The following GPR179 variants were observed in gnomAD, a reference collection of about 807,000 sequenced individuals.
GPR179 encodes G protein-coupled receptor 179.
GPR179 carries 52 observed loss-of-function variants against 70.8 expected under a neutral mutation model. That is an observed-to-expected ratio of 0.73 (90% CI 0.59 to 0.93). GPR179 has a LOEUF of 0.93. Among genes scored for constraint, GPR179 ranks in the 40% least tolerant of loss-of-function variants. The pLI, the probability that GPR179 is intolerant of heterozygous loss-of-function variation, is 0.00. For missense variants in GPR179, 2,734 were observed against 2,966.8 expected (o/e 0.92, Z 1.82); for synonymous variants, 1,123 against 1,169.0 (o/e 0.96, Z 0.80).
Position 38,331,097 on chromosome 17 carries a change from C to A in GPR179, c.2472G>T (p.Thr824=). 1 of 1,601,852 alleles carries A rather than the reference C, an allele frequency of 6.2e-7. No individual in the cohort carries two copies. ...GGGCTCTGGGTAGCCTCTCTCCCAC[C>A]GTCAGGTTGTGGGCGCTGGCTGACC... ...GFRSASAHNL[T]VGERLPRARP... The change falls in exon 11 of 11, where the codon ACG becomes ACT. Residue 824 remains threonine, a synonymous_variant. Coordinates refer to ENST00000616987, the MANE Select transcript of GPR179 (RefSeq NM_001004334.4).
At chr17:38,336,863 T>G (rs781502171) in intron 4 of GPR179, 115 bp downstream of exon 4, 51 of 1,084,484 alleles carry the variant, frequency 4.7e-5, no homozygotes, top group Non-Finnish European at 5.5e-5. Context: ...CACAGTGAGT[T>G]AGATTTAGAA....
intron 5 of GPR179, among the ~76,000 whole-genome samples, 165 bp downstream of exon 5, chr17:38,335,911 C>A (rs761971035): frequency 1.4e-4 from 21 of 152,146 alleles, no homozygotes; most frequent in Non-Finnish European, 2.8e-4. Context: ...GCCTGAGGCT[C>A]CAGAGCTCAT....
rs1206847623 is a variant in GPR179 at position 38,328,819 on chromosome 17, C to T, written c.4750G>A (p.Glu1584Lys). 1 of 1,613,902 alleles carries T rather than the reference C, an allele frequency of 6.2e-7. No individual in the cohort carries two copies. Among genetic ancestry groups the T allele is most frequent in the Admixed American group, 1.7e-5 (1 of 59,998 alleles). Residue 1584 changes from glutamate (E) to lysine (K), a missense_variant, in exon 11 of 11, where the codon GAA (glutamate) becomes AAA (lysine). Glu to Lys is a moderately conservative substitution (Grantham distance 56, BLOSUM62 1). Transcript: ENST00000616987. The part of the protein sequence containing the change: ...PQEDLRPEAQ[E>K]ATPAKTEICP... ...ATTTCTGTTTTGGCAGGTGTTGCTT[C>T]CTGTGCCTCCGGCCTGAGATCTTCC...
In GPR179 at chr17:38,329,613, G is replaced by A. The variant is rs1907996551; in HGVS notation, c.3956C>T (p.Ala1319Val). Residue 1319 changes from alanine (A) to valine (V), a missense_variant, in exon 11 of 11, where the codon GCA becomes GTA. Physicochemically the swap from Ala to Val is moderately conservative, Grantham distance 64. Transcript: ENST00000616987. The part of the protein sequence containing the change: ...KPERLVREQE[A>V]VCPWESADRG... ...ATCGGCACTCTCCCAGGGACACACT[G>A]CTTCCTGCTCCCTCACCAGCCTCTC... 9.9e-6 allele frequency: 16 copies of A among 1,614,032 alleles called. No individual in the cohort carries two copies. Among genetic ancestry groups the A allele is most frequent in the Non-Finnish European group, 1.4e-5 (16 of 1,180,044 alleles).
At chr17:38,332,189 C>T (rs2037366114) in intron 10 of GPR179, among the ~76,000 whole-genome samples, 1 of 152,090 alleles carries the variant, frequency 6.6e-6, no homozygotes, top group African/African-American at 2.4e-5. Flanking sequence ...GGCAGAGGCA[C>T]TGGAACAAGG....
rs911370850 is a variant in GPR179, at chr17:38,337,621, A to C, written c.991+12T>G. 1.9e-6 allele frequency: 3 copies of C among 1,600,898 alleles called. No individual in the cohort carries two copies. The highest frequency in any genetic ancestry group is 2.6e-6 in the Non-Finnish European group (3 of 1,173,508). ...GTAAAACACATGCCTGGCCCCCACC[A>C]CACTTACATACCCCCAGAGGGGCTT... On this transcript the variant is annotated intron_variant, in intron 3 of 10. Coordinates refer to ENST00000616987, the MANE Select transcript of GPR179 (RefSeq NM_001004334.4).
chr17:38,337,662 G>GTCCTCATTC lies in GPR179; in HGVS notation c.961_962insGAATGAGGA (p.Pro321delinsArgMetArgThr). ...AGAGGGGCTTGCCCCGTAGAATCCA[G>GTCCTCATTC]GTCGGCAGCGGCAGAGGTAGCGGCC... On this transcript the variant is annotated protein_altering_variant, in exon 3 of 11. Coordinates refer to ENST00000616987, the MANE Select transcript of GPR179 (RefSeq NM_001004334.4). 1 of 1,598,636 alleles carries GTCCTCATTC rather than the reference G, an allele frequency of 6.3e-7. No individual in the cohort carries two copies. The highest frequency in any genetic ancestry group is 1.7e-5 in the Admixed American group (1 of 57,842).
chr17:38,342,471 C>T (rs2037457350), intron 1 of GPR179, among the ~76,000 whole-genome samples: 1 of 152,054 alleles, frequency 6.6e-6, no homozygotes, highest in African/African-American at 2.4e-5. Context: ...TCCTGAGTAG[C>T]TGGGTTTACA....
In GPR179 at chr17:38,329,022, T is replaced by C. The variant is rs1335961114; in HGVS notation, c.4547A>G (p.Glu1516Gly). 6.8e-6 allele frequency: 11 copies of C among 1,613,956 alleles called. No individual in the cohort carries two copies. Among genetic ancestry groups the C allele is most frequent in the Non-Finnish European group, 9.3e-6 (11 of 1,180,008 alleles). The stretch of plus-strand genomic sequence containing the variant: ...TGCTTTCACAGTTTGTTCCCCCATC[T>C]CTCCAAAGCTTCCTTTTCTGGAGGC... ...EKASRKGSFG[E>G]MGEQTVKAVQ... Residue 1516 changes from glutamate to glycine, a missense_variant, in exon 11 of 11, where the codon GAG becomes GGG. Transcript: ENST00000616987.
Position 38,327,856 on chromosome 17 carries a change from C to T in GPR179, c.5713G>A (p.Gly1905Arg). 2 of 1,614,188 alleles carry T rather than the reference C, an allele frequency of 1.2e-6. No homozygotes were observed. The highest frequency in any genetic ancestry group is 1.7e-6 in the Non-Finnish European group (2 of 1,180,036). ...PSSMSSEVAE[G>R]HSLEATEKGD... ...TTCTCTGTTGCTTCCAAGGAATGTC[C>T]CTCTGCCACTTCACTACTCATGCTG... The change falls in exon 11 of 11, where the codon GGA becomes AGA. Residue 1905 changes from glycine to arginine, a missense_variant. Physicochemically the swap from Gly to Arg is moderately radical, Grantham distance 125. Transcript: ENST00000616987.
rs2037359307 is a variant in GPR179 at position 38,331,414 on chromosome 17, A to AG, written c.2154dup (p.Phe719LeufsTer58). ...GGGAATTCCGCCAGGTACCTCATGA[A>AG]GGAGCGGCCCAGTCCCTGGCATGAG... On this transcript the variant is annotated frameshift_variant, in exon 11 of 11. Coordinates refer to ENST00000616987, the MANE Select transcript of GPR179 (RefSeq NM_001004334.4). LOFTEE classifies it low-confidence loss of function (END_TRUNC). 1 of 1,614,040 alleles carries AG rather than the reference A, an allele frequency of 6.2e-7. No individual in the cohort carries two copies. Among genetic ancestry groups the AG allele is most frequent in the African/African-American group, 1.3e-5 (1 of 74,936 alleles).
Position 38,334,724 on chromosome 17 carries a change from G to A in GPR179, c.1764C>T (p.Ser588=), listed in dbSNP as rs764035734. 2.5e-5 allele frequency: 40 copies of A among 1,613,698 alleles called. No homozygotes were observed. The highest frequency in any genetic ancestry group is 6.6e-5 in the South Asian group (6 of 91,080). The change falls in exon 8 of 11, where the codon TCC becomes TCT. Residue 588 remains serine, a synonymous_variant. Transcript: ENST00000616987. This position sits in a 1 kb window ranked among gnomAD's most constrained non-coding sequence, Gnocchi z 4.7. Reference sequence around the variant, plus strand: ...CTCACCTGGCTGTGTGGAAGGCAGCGGAAAGCAGTAGCTCATTGTGCAGGG... The same window carrying A: ...CTCACCTGGCTGTGTGGAAGGCAGCAGAAAGCAGTAGCTCATTGTGCAGGG... ...GIALHNELLL[S]AAFHTARFVL...
chr17:38,333,091 AG>A (rs2037373447), intron 10 of GPR179, among the ~76,000 whole-genome samples, 159 bp downstream of exon 10: 1 of 152,166 alleles, frequency 6.6e-6, no homozygotes, highest in African/African-American at 2.4e-5. Flanking sequence ...CTTTGAATAG[AG>A]TCAGGGGAAT....
rs372908857 is a variant in GPR179 at position 38,337,635 on chromosome 17, C to G, written c.989G>C (p.Gly330Ala). The change falls in exon 3 of 11, where the codon GGG becomes GCG. Residue 330 changes from glycine to alanine, a missense_variant and splice_region_variant. Gly to Ala is a moderately conservative substitution (Grantham distance 60). Transcript: ENST00000616987. The part of the protein sequence containing the change: ...RPGFYGASPS[G>A]GLEESDFQTT... The stretch of plus-strand genomic sequence containing the variant: ...TGGCCCCCACCACACTTACATACCC[C>G]CAGAGGGGCTTGCCCCGTAGAATCC... The G allele has an allele frequency of 6.2e-7, 1 of 1,608,494 alleles. No homozygotes were observed. Among genetic ancestry groups the G allele is most frequent in the South Asian group, 1.1e-5 (1 of 90,278 alleles).
Position 38,325,253 on chromosome 17 carries a change from G to C in GPR179, c.*1212C>G, listed in dbSNP as rs2037275040. Among the ~76,000 whole-genome samples, 1 of 152,200 alleles carries C rather than the reference G, an allele frequency of 6.6e-6. No homozygotes were observed. The highest frequency in any genetic ancestry group is 1.5e-5 in the Non-Finnish European group (1 of 68,038). On this transcript the variant is annotated 3_prime_UTR_variant, in exon 11 of 11. Coordinates refer to ENST00000616987, the MANE Select transcript of GPR179 (RefSeq NM_001004334.4). ...TGAACTGACGAGAGAAGGGAGCCAA[G>C]AAAGAGAGAGCTCCCTAAGAAAGAA...
At chr17:38,342,434 GGTTC>G (rs2037457156) in intron 1 of GPR179, among the ~76,000 whole-genome samples, 1 of 151,858 alleles carries the variant, frequency 6.6e-6, no homozygotes, top group Admixed American at 6.6e-5. Flanking sequence ...CTGGGGTTCA[GGTTC>G]AAGTGATTCT....
intron 10 of GPR179, among the ~76,000 whole-genome samples, chr17:38,332,602 G>A (rs888014945): frequency 6.6e-6 from 1 of 152,242 alleles, no homozygotes; most frequent in Admixed American, 6.5e-5. Context: ...CTTTGCTGGG[G>A]GCTGAGGCTT....
At position 38,328,855 on chromosome 17, in the gene GPR179, C is replaced by G. The variant is rs769754120; in HGVS notation, c.4714G>C (p.Val1572Leu). ...LCNGGSRATQ[V>L]CPQEDLRPEA... ...GGCCTGAGATCTTCCTGTGGACACA[C>G]CTGCGTTGCTCTGCTTCCTCCATTG... The change falls in exon 11 of 11, where the codon GTG (valine) becomes CTG (leucine). Residue 1572 changes from valine to leucine, a missense_variant. Physicochemically the swap from Val to Leu is conservative, Grantham distance 32. Transcript: ENST00000616987. 6.2e-7 allele frequency: 1 copy of G among 1,613,798 alleles called. No individual in the cohort carries two copies. Among genetic ancestry groups the G allele is most frequent in the East Asian group, 2.2e-5 (1 of 44,840 alleles).
At chr17:38,337,789 G>A in intron 2 of GPR179, 69 bp from the exon 3 acceptor site, 2 of 1,352,992 alleles carry the variant, frequency 1.5e-6, no homozygotes, top group Non-Finnish European at 2.1e-6. Context: ...CCTCCTGGGA[G>A]AGATGGAGGG....
Sources: gnomAD v4.1 joint callset for allele counts (sites outside exome capture counted in the v4.1 genomes callset) on GRCh38, gnomAD v4.1.1 for gene constraint, Gnocchi (gnomAD v3.1) non-coding constraint, MANE v1.5 for transcripts, NCBI Gene and HGNC (gene_info 2026-07-23, HGNC 2026-07-21) for gene names.